The following MLIP variants were observed in gnomAD, a reference collection of about 807,000 sequenced individuals.
The protein encoded by MLIP is muscular LMNA interacting protein.
In MLIP, 79 loss-of-function variants were observed where a neutral mutation model predicts 84.8. The observed-to-expected ratio is 0.93, with a 90% CI of 0.78 to 1.12. The LOEUF (loss-of-function observed/expected upper bound fraction) is 1.12. Among genes scored for constraint, MLIP ranks in the 50% most tolerant of loss-of-function variants. The pLI is 0.00. For synonymous variants in MLIP, 504 were observed against 463.0 expected (o/e 1.09, Z -1.14); for missense variants, 1,257 against 1,160.6 (o/e 1.08, Z -1.21).
intron 12 of MLIP, among the ~76,000 whole-genome samples, chr6:54,243,943 C>T (rs1781907989): frequency 2.0e-5 from 3 of 152,142 alleles, no homozygotes; most frequent in Non-Finnish European, 4.4e-5. Flanking sequence ...CTTATGAATT[C>T]CACAATACTT....
chr6:54,208,079 G>A (rs1779163033), intron 11 of MLIP, among the ~76,000 whole-genome samples: 1 of 151,680 alleles, frequency 6.6e-6, no homozygotes, highest in Non-Finnish European at 1.5e-5. Flanking sequence ...AGTGAGCTGA[G>A]ATCGTGCCAC....
chr6:54,249,770 T>C (rs1782339259), intron 12 of MLIP, among the ~76,000 whole-genome samples: 1 of 151,656 alleles, frequency 6.6e-6, no homozygotes, highest in South Asian at 2.1e-4. Flanking sequence ...TATATACACA[T>C]GTATACACGT....
At chr6:54,101,527 C>T (rs1768647625) in intron 1 of MLIP, among the ~76,000 whole-genome samples, 2 of 152,004 alleles carry the variant, frequency 1.3e-5, no homozygotes, top group African/African-American at 2.4e-5. Flanking sequence ...TAGGATTATC[C>T]ATGAATAATA....
chr6:54,229,917 T>C (rs1780863323), intron 11 of MLIP, among the ~76,000 whole-genome samples: 1 of 152,222 alleles, frequency 6.6e-6, no homozygotes, highest in Admixed American at 6.5e-5. Context: ...AGGCCCTTTT[T>C]GCAACTTTTC....
rs758774286 is a variant in MLIP, at chr6:54,160,504, C to CA, written c.2356-10dup. On this transcript the variant is annotated splice_polypyrimidine_tract_variant and intron_variant, in intron 6 of 13. Transcript: ENST00000502396. ...TTATTGCTAACCCAGTACCTGGTTT[C>CA]AATTCTTCCAGCTCTATTTTCCTGC... is the stretch of plus-strand genomic sequence containing the variant. 2 of 1,612,098 alleles carry CA rather than the reference C, an allele frequency of 1.2e-6. No individual in the cohort carries two copies. Among genetic ancestry groups the CA allele is most frequent in the Non-Finnish European group, 1.7e-6 (2 of 1,178,916 alleles).
chr6:54,213,725 A>AC lies in MLIP; in HGVS notation c.2718+11492_2718+11493insC, dbSNP rs1562065819. ...TTTGTCTCAAAAAAAAAAAAAAAAA[A>AC]AAAAAAAAAAACAACAAACAGCATA... On this transcript the variant is annotated intron_variant, in intron 11 of 13. Coordinates refer to ENST00000502396, the MANE Select transcript of MLIP (RefSeq NM_001281747.2). Among the ~76,000 whole-genome samples, 71 of 129,002 alleles carry AC rather than the reference A, an allele frequency of 5.5e-4. 9 individuals are homozygous for AC. The highest frequency in any genetic ancestry group is 9.3e-4 in the Non-Finnish European group (59 of 63,498). The allele number at this position is 129,002 out of a possible 152,430, so 84.6% of individuals were successfully genotyped here.
At chr6:54,209,086 A>G (rs1045022671) in intron 11 of MLIP, among the ~76,000 whole-genome samples, 2 of 152,168 alleles carry the variant, frequency 1.3e-5, no homozygotes, top group African/African-American at 4.8e-5. Context: ...TGTGTTTAAA[A>G]ACATTTTACA....
chr6:54,201,978 C>G, intron 10 of MLIP, 127 bp from the exon 11 acceptor site: 1 of 634,906 alleles, frequency 1.6e-6, no homozygotes, highest in Non-Finnish European at 2.3e-6. Context: ...TTTTTGAAAT[C>G]ATTTTAAAAT....
chr6:54,137,286 T>C lies in MLIP; in HGVS notation c.1217T>C (p.Val406Ala). ...AGTGGAAATCTTTCAAAGTCAGGGG[T>C]AAAATCCCCGGTGCCTTCCCGGCTT... ...SSSGNLSKSG[V>A]KSPVPSRLAL... The change falls in exon 4 of 14, where the codon GTA becomes GCA. Residue 406 changes from valine (V) to alanine (A), a missense_variant. Physicochemically the swap from Val to Ala is moderately conservative, Grantham distance 64. Transcript: ENST00000502396. 6.5e-7 allele frequency: 1 copy of C among 1,535,916 alleles called. No individual in the cohort carries two copies.
chr6:54,255,714 A>G (rs997227582), intron 12 of MLIP, among the ~76,000 whole-genome samples: 9 of 152,328 alleles, frequency 5.9e-5, no homozygotes, highest in African/African-American at 2.2e-4. Flanking sequence ...GGAATATAAC[A>G]GTAGGCATCA....
At position 54,065,150 on chromosome 6, in the gene MLIP, T is replaced by C. The variant is rs537730382; in HGVS notation, c.63+46059T>C. On this transcript the variant is annotated intron_variant, in intron 1 of 12. Transcript: ENST00000274897. Reference sequence around the variant, plus strand: ...TGTACATTTTTGGACAATAAACTTCTTTGTCCCTTGGTTTTCTTATCTGAA... The same window carrying C: ...TGTACATTTTTGGACAATAAACTTCCTTGTCCCTTGGTTTTCTTATCTGAA... Among the ~76,000 whole-genome samples the C allele has an allele frequency of 2.0e-4, 20 of 100,802 alleles. 5 individuals carry two copies. In the South Asian group the frequency reaches 7.1e-3, roughly 36 times the overall value. 66.1% of individuals were successfully genotyped at this position (100,802 alleles called of 152,430 possible).
intron 1 of MLIP, among the ~76,000 whole-genome samples, chr6:54,090,602 G>A (rs767222629): frequency 8.6e-5 from 13 of 151,842 alleles, no homozygotes; most frequent in Non-Finnish European, 2.9e-5. Flanking sequence ...ATTGTCATAA[G>A]CATCGGTTGT....
rs200601607 is a variant in MLIP at position 54,240,981 on chromosome 6, TA to T, written c.2922+10073del. Among the ~76,000 whole-genome samples the T allele has an allele frequency of 3.3e-5, 5 of 150,614 alleles. No individual in the cohort carries two copies. The South Asian group carries it at 8.4e-4, about 25-fold the overall frequency. ...CAGAGTGAGACTCCGTCTCAAAAAA[TA>T]AAAAAAAATCAAAAGAAAAAAGCAG... On this transcript the variant is annotated intron_variant, in intron 12 of 13. Coordinates refer to ENST00000502396, the MANE Select transcript of MLIP (RefSeq NM_001281747.2).
At chr6:54,072,383 C>G (rs75363797) in intron 1 of MLIP, among the ~76,000 whole-genome samples, 2,231 of 152,288 alleles carry the variant, frequency 0.015, 69 homozygotes, top group East Asian at 0.094. Flanking sequence ...CAATCATTAA[C>G]TCTTTCCCTG....
intron 11 of MLIP, among the ~76,000 whole-genome samples, chr6:54,219,064 G>C (rs948287719): frequency 4.0e-5 from 6 of 151,354 alleles, no homozygotes; most frequent in Non-Finnish European, 5.9e-5. Flanking sequence ...AAATTAGCCG[G>C]GCATGGTGGC....
intron 3 of MLIP, among the ~76,000 whole-genome samples, chr6:54,128,263 A>G (rs1009936837): frequency 6.6e-5 from 10 of 152,240 alleles, no homozygotes; most frequent in African/African-American, 2.2e-4. Context: ...TGAATCCTGG[A>G]CATAGGAGAG....
At chr6:54,037,521 C>T (rs188063743) in intron 1 of MLIP, among the ~76,000 whole-genome samples, 2 of 151,948 alleles carry the variant, frequency 1.3e-5, no homozygotes, top group East Asian at 3.9e-4. Flanking sequence ...GTGAAAGAGG[C>T]TTAATAGATG....
chr6:54,151,672 T>C (rs1245967544), intron 5 of MLIP, among the ~76,000 whole-genome samples: 3 of 152,150 alleles, frequency 2.0e-5, no homozygotes, highest in East Asian at 1.9e-4. Flanking sequence ...CTAACAAAAA[T>C]AATTCATGTC....
chr6:54,207,418 C>CA (rs1554184558), intron 11 of MLIP, among the ~76,000 whole-genome samples: 1 of 143,760 alleles, frequency 7.0e-6, no homozygotes, highest in African/African-American at 2.5e-5. Context: ...CACCCCCCCC[C>CA]CCTTTTTTGA....
Sources: allele counts gnomAD v4.1 joint callset (sites outside exome capture counted in the v4.1 genomes callset), GRCh38; gene constraint gnomAD v4.1.1; transcripts MANE v1.5; gene names NCBI Gene and HGNC (gene_info 2026-07-23, HGNC 2026-07-21).